ABCA8: variants seen among roughly 807,000 people sequenced by gnomAD.
ABCA8 encodes ATP binding cassette subfamily A member 8.
Under a neutral mutation model 192.3 loss-of-function variants are expected in ABCA8, and 177 were observed. The ratio of observed to expected loss-of-function variants is 0.92; its 90% confidence interval spans 0.81 to 1.04. The LOEUF (loss-of-function observed/expected upper bound fraction) is 1.04, where lower values mean the gene tolerates loss of function less well. Among genes scored for constraint, ABCA8 ranks in the 50% least tolerant of loss-of-function variants. The pLI is 0.00. For missense variants in ABCA8, 1,915 were observed against 1,904.8 expected (o/e 1.01, Z -0.10); for synonymous variants, 642 against 690.2 (o/e 0.93, Z 1.09).
intron 5 of ABCA8, among the ~76,000 whole-genome samples, chr17:68,934,086 A>G (rs2067986066): frequency 6.6e-6 from 1 of 152,242 alleles, no homozygotes; most frequent in South Asian, 2.1e-4. Context: ...TCTAAACTAT[A>G]TATGTAATTT....
chr17:68,930,008 A>C (rs1022771125), intron 7 of ABCA8, among the ~76,000 whole-genome samples: 1 of 151,980 alleles, frequency 6.6e-6, no homozygotes, highest in Non-Finnish European at 1.5e-5. Flanking sequence ...TTAGGTTTCC[A>C]GTGTAATAGA....
Position 68,924,726 on chromosome 17 carries a change from C to A in ABCA8, c.1417G>T (p.Glu473Ter). Reference protein sequence around the residue: ...FHDSFEQAPPEFQGKEAIRIR... With the variant: ...FHDSFEQAPP Reference sequence around the variant, plus strand: ...CTGATGGCTTCTTTCCCTTGGAATTCTGGAGGCGCTTGTTCAAAAGAGTCA... The same window carrying A: ...CTGATGGCTTCTTTCCCTTGGAATTATGGAGGCGCTTGTTCAAAAGAGTCA... The change falls in exon 11 of 40, where the codon GAA becomes TAA. Residue 473 changes from glutamate to a stop codon, truncating the protein, a stop_gained. Coordinates refer to ENST00000586539, the MANE Select transcript of ABCA8 (RefSeq NM_001288985.2). LOFTEE classifies it high-confidence loss of function. The A allele has an allele frequency of 6.2e-7, 1 of 1,613,612 alleles. No individual in the cohort carries two copies. The highest frequency in any genetic ancestry group is 1.7e-5 in the Admixed American group (1 of 59,882).
In ABCA8 at chr17:68,929,574, T is replaced by C. The variant is rs1283621869; in HGVS notation, c.926A>G (p.Tyr309Cys). 1.2e-6 allele frequency: 2 copies of C among 1,612,650 alleles called. No individual in the cohort carries two copies. The highest frequency in any genetic ancestry group is 8.5e-7 in the Non-Finnish European group (1 of 1,179,504). Residue 309 changes from tyrosine (Y) to cysteine (C), a missense_variant, in exon 8 of 40, where the codon TAT becomes TGT. By Grantham distance (194) the Tyr-to-Cys change is radical. Transcript: ENST00000586539. ...TCACTAACTCACCAAAGATAATCCA[T>C]ACAGGAGAAAGAGGCTGAAGACTAC... is the stretch of plus-strand genomic sequence containing the variant. ...FMVVFSLFLL[Y>C]GLSLVALAFL...
intron 10 of ABCA8, among the ~76,000 whole-genome samples, chr17:68,926,299 T>C (rs150562632): frequency 1.2e-4 from 18 of 152,046 alleles, no homozygotes; most frequent in African/African-American, 3.9e-4. Context: ...AATAAACACA[T>C]TGGAAAAATA....
rs754663608 is a variant in ABCA8 at position 68,876,561 on chromosome 17, C to T, written c.4276-7G>A. On this transcript the variant is annotated splice_region_variant and splice_polypyrimidine_tract_variant and intron_variant, in intron 34 of 39. Coordinates refer to ENST00000586539, the MANE Select transcript of ABCA8 (RefSeq NM_001288985.2). The stretch of plus-strand genomic sequence containing the variant: ...TGCTCAGGACAAAGCACAGCTGCAA[C>T]GGGAGGAACAGCCCATCTGGTTCCC... 24 of 1,613,972 alleles carry T rather than the reference C, an allele frequency of 1.5e-5. No individual in the cohort carries two copies. Among genetic ancestry groups the T allele is most frequent in the Admixed American group, 5.0e-5 (3 of 60,004 alleles).
At chr17:68,871,460 T>A (rs767078307) in intron 37 of ABCA8, among the ~76,000 whole-genome samples, 1 of 152,216 alleles carries the variant, frequency 6.6e-6, no homozygotes, top group Admixed American at 6.5e-5. Context: ...TGTGAGGTGA[T>A]ATCTTATTGT....
chr17:68,881,686 T>TCA (rs1368309705), intron 31 of ABCA8, among the ~76,000 whole-genome samples, 177 bp downstream of exon 31: 1 of 152,248 alleles, frequency 6.6e-6, no homozygotes, highest in Non-Finnish European at 1.5e-5. Context: ...ACTAGGCTCC[T>TCA]CTTTGTGAGG....
chr17:68,922,392 G>C, intron 11 of ABCA8, 92 bp from the exon 12 acceptor site: 1 of 898,612 alleles, frequency 1.1e-6, no homozygotes, highest in Non-Finnish European at 1.6e-6. Context: ...CTTAACTTCA[G>C]GATACATGAA....
chr17:68,922,572 T>C (rs748140952), intron 11 of ABCA8, among the ~76,000 whole-genome samples: 13 of 151,990 alleles, frequency 8.6e-5, no homozygotes, highest in African/African-American at 1.2e-4. Context: ...GATTGGGGTA[T>C]AAGCTAATAT....
At chr17:68,926,556 T>A (rs1292055353) in intron 10 of ABCA8, among the ~76,000 whole-genome samples, 1 of 152,154 alleles carries the variant, frequency 6.6e-6, no homozygotes, top group Non-Finnish European at 1.5e-5. Flanking sequence ...TAGAAAGCCT[T>A]AAAATATTAG....
intron 33 of ABCA8, 133 bp from the exon 34 acceptor site, chr17:68,876,836 G>C (rs760284952): frequency 2.0e-5 from 20 of 1,021,686 alleles, no homozygotes; most frequent in African/African-American, 6.4e-5. Context: ...GGCAGGGAAG[G>C]AGGGGTGATA....
At chr17:68,897,835 A>G (rs1329189099) in intron 21 of ABCA8, among the ~76,000 whole-genome samples, 1 of 152,202 alleles carries the variant, frequency 6.6e-6, no homozygotes, top group East Asian at 1.9e-4. Flanking sequence ...ATAAAAAAAC[A>G]GAACCTCAGA....
At chr17:68,903,885 A>G (rs954586485) in intron 19 of ABCA8, among the ~76,000 whole-genome samples, 6 of 152,148 alleles carry the variant, frequency 3.9e-5, no homozygotes, top group African/African-American at 1.4e-4. Flanking sequence ...GTTAGCTATA[A>G]ATTGTTACTG....
chr17:68,898,831 T>C (rs758024592), intron 21 of ABCA8, among the ~76,000 whole-genome samples: 1 of 152,070 alleles, frequency 6.6e-6, no homozygotes, highest in Non-Finnish European at 1.5e-5. Context: ...TCCTCTGATA[T>C]AGCTGTATTC....
chr17:68,923,202 TA>T (rs1474254858), intron 11 of ABCA8, among the ~76,000 whole-genome samples: 16 of 106,050 alleles, frequency 1.5e-4, no homozygotes, highest in African/African-American at 3.8e-4. Context: ...TTATTATTAT[TA>T]TTATTTTTTT....
rs969621701 is a variant in ABCA8 at position 68,882,676 on chromosome 17, G to A, written c.3751C>T (p.Pro1251Ser). The A allele has an allele frequency of 1.1e-5, 17 of 1,612,382 alleles. No individual in the cohort carries two copies. The highest frequency in any genetic ancestry group is 1.4e-5 in the Non-Finnish European group (17 of 1,179,234). The stretch of plus-strand genomic sequence containing the variant: ...TGAACATCTTCATCCTCTCCTTCTG[G>A]TTCTTCTGGATTTTGACACACATCA... ...SSDVCQNPEEPEGEDEDVQME... is the reference protein window; with the variant it reads ...SSDVCQNPEESEGEDEDVQME... The change falls in exon 30 of 40, where the codon CCA becomes TCA. Residue 1251 changes from proline (P) to serine (S), a missense_variant. By Grantham distance (74) the Pro-to-Ser change is moderately conservative. Transcript: ENST00000586539.
At chr17:68,931,280 G>A (rs1037327389) in intron 7 of ABCA8, among the ~76,000 whole-genome samples, 6 of 152,188 alleles carry the variant, frequency 3.9e-5, no homozygotes, top group African/African-American at 9.7e-5. Context: ...ACAGTAAGAC[G>A]CAGCCTCAGC....
rs577694633 is a variant in ABCA8, at chr17:68,885,253, G to A, written c.3492C>T (p.Ile1164=). 29 of 1,613,330 alleles carry A rather than the reference G, an allele frequency of 1.8e-5. No individual in the cohort carries two copies. The highest frequency in any genetic ancestry group is 1.3e-4 in the Admixed American group (8 of 59,934). The change falls in exon 27 of 40, where the codon ATC becomes ATT. Residue 1164 remains isoleucine, a synonymous_variant. Coordinates refer to ENST00000586539, the MANE Select transcript of ABCA8 (RefSeq NM_001288985.2). ...TGGCAGGTGGTATTAAAAAAGTGAAGATAAATGGAATATCACTTTCGAAGA... is the reference window on the plus strand; with the variant it reads ...TGGCAGGTGGTATTAAAAAAGTGAAAATAAATGGAATATCACTTTCGAAGA... ...FSIFESDIPF[I]FTFLIPPATM...
intron 17 of ABCA8, among the ~76,000 whole-genome samples, chr17:68,914,874 A>G (rs1276680139): frequency 2.3e-5 from 3 of 133,142 alleles, no homozygotes; most frequent in African/African-American, 9.4e-5. Context: ...AAGGAATCAC[A>G]TCATCGGACT....
Sources: allele counts gnomAD v4.1 joint callset (sites outside exome capture counted in the v4.1 genomes callset), GRCh38; gene constraint gnomAD v4.1.1; transcripts MANE v1.5; gene names NCBI Gene and HGNC (gene_info 2026-07-23, HGNC 2026-07-21).